Variants in GPM6A observed in about 807,000 individuals in gnomAD.
GPM6A encodes the protein glycoprotein M6A.
GPM6A carries 7 observed loss-of-function variants against 32.1 expected under a neutral mutation model. The observed-to-expected ratio is 0.22, with a 90% CI of 0.12 to 0.41. GPM6A has a LOEUF of 0.41. Among genes scored for constraint, GPM6A ranks in the 10% least tolerant of loss-of-function variants. The pLI is 1.00. For missense variants in GPM6A, 235 were observed against 347.2 expected (o/e 0.68, Z 2.57); for synonymous variants, 130 against 123.4 (o/e 1.05, Z -0.35).
chr4:175,656,740 G>T (rs1376662836), intron 3 of GPM6A, among the ~76,000 whole-genome samples: 1 of 152,136 alleles, frequency 6.6e-6, no homozygotes, highest in African/African-American at 2.4e-5. Context: ...ATCACACCCT[G>T]TTGAGGTCTA....
chr4:175,931,541 A>T (rs899661017), intron 1 of GPM6A, among the ~76,000 whole-genome samples: 6 of 152,026 alleles, frequency 3.9e-5, no homozygotes, highest in Non-Finnish European at 7.4e-5. Flanking sequence ...TTGAAGAAAT[A>T]AAAAAACTGT....
At chr4:175,649,503 A>G (rs773794393) in intron 4 of GPM6A, among the ~76,000 whole-genome samples, 1 of 152,170 alleles carries the variant, frequency 6.6e-6, no homozygotes, top group Admixed American at 6.5e-5. Flanking sequence ...TTTTCAGTTT[A>G]GAATCTGGTT....
intron 1 of GPM6A, among the ~76,000 whole-genome samples, chr4:175,810,175 T>C (rs1164851373): frequency 6.6e-6 from 1 of 152,200 alleles, no homozygotes; most frequent in African/African-American, 2.4e-5. Flanking sequence ...TCCAGTAATT[T>C]CACAGTTACA....
chr4:175,873,552 T>G (rs527407255), intron 1 of GPM6A, among the ~76,000 whole-genome samples: 1 of 152,106 alleles, frequency 6.6e-6, no homozygotes, highest in Non-Finnish European at 1.5e-5. Flanking sequence ...TTATGATAAA[T>G]CAAAGATTTA....
chr4:175,839,375 C>T (rs1012069504), intron 1 of GPM6A, among the ~76,000 whole-genome samples: 2 of 151,308 alleles, frequency 1.3e-5, no homozygotes. Context: ...TATTCTACTA[C>T]ATTAAAATTT....
At chr4:175,830,447 G>A (rs1314378501) in intron 1 of GPM6A, among the ~76,000 whole-genome samples, 1 of 152,068 alleles carries the variant, frequency 6.6e-6, no homozygotes, top group Non-Finnish European at 1.5e-5. Flanking sequence ...GCTTATATAA[G>A]CCCTTTTTAT....
chr4:175,994,996 C>A (rs1741259479), intron 1 of GPM6A, among the ~76,000 whole-genome samples: 1 of 152,170 alleles, frequency 6.6e-6, no homozygotes, highest in Non-Finnish European at 1.5e-5. Context: ...AGCAACTTCT[C>A]ATCCATTCAA....
At chr4:175,973,861 G>A (rs532745813) in intron 1 of GPM6A, among the ~76,000 whole-genome samples, 1 of 152,198 alleles carries the variant, frequency 6.6e-6, no homozygotes, top group Non-Finnish European at 1.5e-5. Flanking sequence ...GATGCTTTAT[G>A]CTGACTTTTT....
intron 1 of GPM6A, among the ~76,000 whole-genome samples, chr4:175,968,196 T>C (rs1579672981): frequency 6.7e-6 from 1 of 149,228 alleles, no homozygotes; most frequent in Admixed American, 6.7e-5. Context: ...AAACCAAAGA[T>C]GCTGGAACAA....
chr4:175,943,060 G>A (rs749362703), intron 1 of GPM6A, among the ~76,000 whole-genome samples: 5 of 152,106 alleles, frequency 3.3e-5, no homozygotes, highest in African/African-American at 4.8e-5. Flanking sequence ...ATTTCCTTGA[G>A]AAGTGGTTTG....
chr4:175,762,275 A>C (rs1168384103), intron 1 of GPM6A, among the ~76,000 whole-genome samples: 1 of 152,232 alleles, frequency 6.6e-6, no homozygotes, highest in African/African-American at 2.4e-5. Flanking sequence ...CAACAAACAC[A>C]AAAGAAATTC....
At chr4:175,702,185 A>G (rs1164745114) in intron 1 of GPM6A, among the ~76,000 whole-genome samples, 1 of 152,098 alleles carries the variant, frequency 6.6e-6, no homozygotes, top group Non-Finnish European at 1.5e-5. Context: ...TTTGTAACAG[A>G]TATTTTTATT....
intron 1 of GPM6A, chr4:175,806,941 T>G (rs1734719622): frequency 1.3e-5 from 2 of 152,228 alleles, no homozygotes; most frequent in South Asian, 4.1e-4. Context: ...GTCTGTCCAC[T>G]AGATGGATAA....
chr4:175,637,189 CAT>C (rs1740698545), intron 6 of GPM6A, among the ~76,000 whole-genome samples: 1 of 74,414 alleles, frequency 1.3e-5, no homozygotes, highest in East Asian at 3.3e-4. Context: ...TGACATATAT[CAT>C]ATATTATATG....
At chr4:175,884,033 C>T (rs1312896953) in intron 1 of GPM6A, among the ~76,000 whole-genome samples, 1 of 152,184 alleles carries the variant, frequency 6.6e-6, no homozygotes, top group African/African-American at 2.4e-5. Context: ...AACTGCCTGG[C>T]TACCTCAAAA....
At chr4:175,891,858 G>A (rs1737659505) in intron 1 of GPM6A, 1 of 152,182 alleles carries the variant, frequency 6.6e-6, no homozygotes, top group African/African-American at 2.4e-5. Context: ...GATAATTATA[G>A]TACTAAATAA....
chr4:175,938,404 G>T (rs576951883), intron 1 of GPM6A, among the ~76,000 whole-genome samples: 1 of 152,180 alleles, frequency 6.6e-6, no homozygotes, highest in African/African-American at 2.4e-5. Flanking sequence ...CCACAGCCGC[G>T]CCAGCATCTG....
At chr4:175,939,412 GTATCTCT>G (rs1739337781) in intron 1 of GPM6A, among the ~76,000 whole-genome samples, 1 of 152,084 alleles carries the variant, frequency 6.6e-6, no homozygotes. Flanking sequence ...AGAGATTTTT[GTATCTCT>G]TAAAGCAGTA....
intron 1 of GPM6A, chr4:175,790,564 T>A (rs2111273992): frequency 6.6e-6 from 1 of 152,326 alleles, no homozygotes; most frequent in East Asian, 1.9e-4. Flanking sequence ...TAGCTTCTCT[T>A]TCACTACAAA....
Sources: allele counts gnomAD v4.1 joint callset (sites outside exome capture counted in the v4.1 genomes callset), GRCh38; gene constraint gnomAD v4.1.1; transcripts MANE v1.5; gene names NCBI Gene and HGNC (gene_info 2026-07-23, HGNC 2026-07-21).